Variants in TGFB2 observed in about 807,000 individuals in gnomAD.
TGFB2 encodes the protein transforming growth factor beta 2.
In TGFB2, 13 loss-of-function variants were observed where a neutral mutation model predicts 42.7. That is an observed-to-expected ratio of 0.30 (90% CI 0.20 to 0.48). The LOEUF is 0.48. Ranked by LOEUF, TGFB2 falls within the 20% of genes least tolerant of loss-of-function variation. The pLI, the probability that TGFB2 is intolerant of heterozygous loss-of-function variation, is 0.99. For missense variants in TGFB2, 390 were observed against 517.5 expected (o/e 0.75, Z 2.39); for synonymous variants, 193 against 193.6 (o/e 1.00, Z 0.03).
chr1:218,357,509 G>A (rs578151897), intron 1 of TGFB2, among the ~76,000 whole-genome samples: 8 of 152,330 alleles, frequency 5.3e-5, no homozygotes, highest in Admixed American at 3.9e-4. Flanking sequence ...AAGCCTCATC[G>A]TGCTGAGAAA....
chr1:218,426,049 TA>T (rs1341423200), intron 2 of TGFB2, among the ~76,000 whole-genome samples: 1 of 152,228 alleles, frequency 6.6e-6, no homozygotes, highest in African/African-American at 2.4e-5. Flanking sequence ...TTTAAAGCGT[TA>T]AAAACATTAA....
At chr1:218,390,421 C>T (rs977729962) in intron 1 of TGFB2, among the ~76,000 whole-genome samples, 4 of 151,992 alleles carry the variant, frequency 2.6e-5, no homozygotes, top group Non-Finnish European at 5.9e-5. Flanking sequence ...AGTTGGGACC[C>T]GCTGGATTAA....
At position 218,434,189 on chromosome 1, in the gene TGFB2, T is replaced by C; in HGVS notation, c.618T>C (p.Ala206=). Residue 206 remains alanine (A), a synonymous_variant, in exon 3 of 7, where the codon GCT becomes GCC. Transcript: ENST00000366930. ...GEWLSFDVTD[A]VHEWLHHKDR... is the part of the protein sequence containing the mutation. ...GGCTCTCCTTCGATGTAACTGATGC[T>C]GTTCATGAATGGCTTCACCATAAAG... 1 of 1,614,162 alleles carries C rather than the reference T, an allele frequency of 6.2e-7. No individual in the cohort carries two copies. The highest frequency in any genetic ancestry group is 8.5e-7 in the Non-Finnish European group (1 of 1,179,988).
chr1:218,441,283 C>A lies in TGFB2; in HGVS notation c.1166C>A (p.Thr389Asn). The change falls in exon 7 of 7, where the codon ACC (threonine) becomes AAC (asparagine). Residue 389 changes from threonine to asparagine, a missense_variant. Coordinates refer to ENST00000366930, the MANE Select transcript of TGFB2 (RefSeq NM_003238.6). ...CCVSQDLEPL[T>N]ILYYIGKTPK... ...GTGTCCCAAGATTTAGAACCTCTAA[C>A]CATTCTCTACTACATTGGCAAAACA... The A allele has an allele frequency of 6.2e-7, 1 of 1,613,892 alleles. No homozygotes were observed. Among genetic ancestry groups the A allele is most frequent in the Non-Finnish European group, 8.5e-7 (1 of 1,179,914 alleles).
intron 6 of TGFB2, among the ~76,000 whole-genome samples, chr1:218,440,539 C>G (rs753987746): frequency 6.6e-6 from 1 of 152,094 alleles, no homozygotes; most frequent in Non-Finnish European, 1.5e-5. Flanking sequence ...CGTGAGCCAC[C>G]GTGCCCAGCC....
chr1:218,366,474 TA>T (rs758194968), intron 1 of TGFB2, among the ~76,000 whole-genome samples: 4 of 151,146 alleles, frequency 2.6e-5, no homozygotes, highest in Admixed American at 6.6e-5. Flanking sequence ...ACTGGCTAAT[TA>T]AAAAAAAAAT....
At chr1:218,416,813 A>G (rs2096038) in intron 2 of TGFB2, among the ~76,000 whole-genome samples, 32,570 of 152,020 alleles carry the variant, frequency 0.21, 3,686 homozygotes, top group African/African-American at 0.26. Context: ...AGTCTTTCCC[A>G]TGCTGCTCTT....
At chr1:218,428,016 G>C (rs1457181165) in intron 2 of TGFB2, among the ~76,000 whole-genome samples, 2 of 152,224 alleles carry the variant, frequency 1.3e-5, no homozygotes, top group African/African-American at 4.8e-5. Flanking sequence ...ACTTTTTAAT[G>C]ACTGCCATTC....
At position 218,441,977 on chromosome 1, in the gene TGFB2, T is replaced by C. The variant is rs1266191726; in HGVS notation, c.*615T>C. ...AAACGAGCCAGAAAAAAAGAGGTCA[T>C]ATTAATGGGATGAAAACCCAAGTGA... On this transcript the variant is annotated 3_prime_UTR_variant, in exon 7 of 7. Coordinates refer to ENST00000366930, the MANE Select transcript of TGFB2 (RefSeq NM_003238.6). The C allele has an allele frequency of 6.6e-6, 1 of 152,146 alleles. No homozygotes were observed. Among genetic ancestry groups the C allele is most frequent in the Non-Finnish European group, 1.5e-5 (1 of 68,018 alleles). The allele number at this position is 152,146 out of a possible 1,614,324, so 9.4% of individuals were successfully genotyped here.
chr1:218,351,823 G>A (rs1656876639), intron 1 of TGFB2, among the ~76,000 whole-genome samples: 1 of 152,172 alleles, frequency 6.6e-6, no homozygotes, highest in South Asian at 2.1e-4. Context: ...CCTAGTCGCA[G>A]CATCTTTCAT....
chr1:218,381,315 G>A (rs962137678), intron 1 of TGFB2, among the ~76,000 whole-genome samples: 1 of 150,936 alleles, frequency 6.6e-6, no homozygotes. Flanking sequence ...GATTGAAGTG[G>A]CACAGTCTTG....
Position 218,436,133 on chromosome 1 carries a change from G to A in TGFB2, c.918G>A (p.Ala306=), listed in dbSNP as rs767936611. 21 of 1,610,604 alleles carry A rather than the reference G, an allele frequency of 1.3e-5. No individual in the cohort carries two copies. Among genetic ancestry groups the A allele is most frequent in the Middle Eastern group, 1.7e-4 (1 of 6,030 alleles). ...GGCGGAAGAAGCGTGCTTTGGATGC[G>A]GCCTATTGCTTTAGGTAAAGGAAAG... ...TNRRKKRALD[A]AYCFRNVQDN... is the part of the protein sequence containing the mutation. Residue 306 remains alanine (A), a synonymous_variant, in exon 5 of 7, where the codon GCG becomes GCA. Coordinates refer to ENST00000366930, the MANE Select transcript of TGFB2 (RefSeq NM_003238.6).
intron 2 of TGFB2, among the ~76,000 whole-genome samples, chr1:218,414,314 G>A (rs1397459035): frequency 1.3e-5 from 2 of 151,892 alleles, no homozygotes; most frequent in Non-Finnish European, 2.9e-5. Flanking sequence ...ATAAAAAGAG[G>A]TCAGCCAAAA....
intron 2 of TGFB2, among the ~76,000 whole-genome samples, chr1:218,420,784 T>C (rs1250664002): frequency 2.6e-5 from 4 of 152,234 alleles, no homozygotes; most frequent in African/African-American, 9.6e-5. Flanking sequence ...TACTCTGTAC[T>C]GTAAAGCGAA....
intron 1 of TGFB2, among the ~76,000 whole-genome samples, chr1:218,366,415 T>G (rs571022747): frequency 2.4e-4 from 37 of 152,060 alleles, no homozygotes; most frequent in Admixed American, 5.9e-4. Flanking sequence ...GAAGCAATCC[T>G]CCCACCCCAG....
intron 2 of TGFB2, among the ~76,000 whole-genome samples, chr1:218,416,971 A>C (rs1347709663): frequency 6.6e-6 from 1 of 152,140 alleles, no homozygotes; most frequent in East Asian, 1.9e-4. Flanking sequence ...AGCCACATGG[A>C]ACTGTAAGTC....
chr1:218,366,235 T>A (rs1657382953), intron 1 of TGFB2, among the ~76,000 whole-genome samples: 1 of 152,182 alleles, frequency 6.6e-6, no homozygotes, highest in Non-Finnish European at 1.5e-5. Flanking sequence ...TATAATTTTT[T>A]AAAAAGAGTA....
chr1:218,364,312 T>G (rs1443919974), intron 1 of TGFB2, among the ~76,000 whole-genome samples: 1 of 152,110 alleles, frequency 6.6e-6, no homozygotes, highest in Non-Finnish European at 1.5e-5. Context: ...GCACCAGGTG[T>G]TAGGCTGAGG....
At chr1:218,381,945 C>G (rs1657976757) in intron 1 of TGFB2, among the ~76,000 whole-genome samples, 1 of 152,080 alleles carries the variant, frequency 6.6e-6, no homozygotes, top group Non-Finnish European at 1.5e-5. Flanking sequence ...GCCAGAGAAG[C>G]ACATGTGCAA....
Sources: allele counts gnomAD v4.1 joint callset (sites outside exome capture counted in the v4.1 genomes callset), GRCh38; gene constraint gnomAD v4.1.1; transcripts MANE v1.5; gene names NCBI Gene and HGNC (gene_info 2026-07-23, HGNC 2026-07-21).